Variants in TTC28 observed in about 807,000 individuals in gnomAD.
TTC28 encodes the protein tetratricopeptide repeat protein 28.
In TTC28, 61 loss-of-function variants were observed where a neutral mutation model predicts 198.0. That is an observed-to-expected ratio of 0.31 (90% CI 0.25 to 0.38). The LOEUF is 0.38. Ranked by LOEUF, TTC28 falls within the 10% of genes least tolerant of loss-of-function variation. TTC28 has a pLI of 1.00. For missense variants in TTC28, 2,678 were observed against 3,164.0 expected, an observed-to-expected ratio of 0.85 and a Z score of 3.69; for synonymous variants, 1,171 against 1,297.8, an observed-to-expected ratio of 0.90 and a Z score of 2.10.
chr22:28,217,303 A>T (rs1359205025), intron 5 of TTC28, among the ~76,000 whole-genome samples: 1 of 152,322 alleles, frequency 6.6e-6, no homozygotes, highest in African/African-American at 2.4e-5. Flanking sequence ...TGCCAGAAAC[A>T]TCTAGATTGC....
At chr22:28,392,312 C>T (rs1456927698) in intron 2 of TTC28, among the ~76,000 whole-genome samples, 2 of 152,178 alleles carry the variant, frequency 1.3e-5, no homozygotes, top group Non-Finnish European at 2.9e-5. Context: ...TGTGCCCTGC[C>T]CCCAGAGGTG....
At chr22:28,639,973 C>A (rs2051336554) in intron 1 of TTC28, among the ~76,000 whole-genome samples, 1 of 152,020 alleles carries the variant, frequency 6.6e-6, no homozygotes, top group African/African-American at 2.4e-5. Context: ...ATACAGCTAA[C>A]AACAAGATTA....
At chr22:28,324,246 G>A (rs936404544) in intron 2 of TTC28, among the ~76,000 whole-genome samples, 1 of 152,066 alleles carries the variant, frequency 6.6e-6, no homozygotes, top group Non-Finnish European at 1.5e-5. Context: ...GAGCCCAGGA[G>A]TTCAAGACCA....
chr22:28,150,890 C>T (rs914880996), intron 6 of TTC28, among the ~76,000 whole-genome samples: 2 of 152,162 alleles, frequency 1.3e-5, no homozygotes, highest in African/African-American at 4.8e-5. Context: ...TGGCAGTACC[C>T]CCAGGAAGTA....
At chr22:28,679,517 G>T in intron 1 of TTC28, 105 bp downstream of exon 1, 1 of 726,876 alleles carries the variant, frequency 1.4e-6, no homozygotes, top group Non-Finnish European at 2.0e-6. Context: ...ACTGCGAGAC[G>T]CCTTCCGCCT....
At chr22:28,418,896 A>G (rs941306181) in intron 2 of TTC28, among the ~76,000 whole-genome samples, 3 of 152,206 alleles carry the variant, frequency 2.0e-5, no homozygotes, top group African/African-American at 7.2e-5. Flanking sequence ...TGTGTAAACA[A>G]TGAAAACTCA....
At chr22:28,193,275 T>C (rs1392620911) in intron 5 of TTC28, among the ~76,000 whole-genome samples, 14 of 151,968 alleles carry the variant, frequency 9.2e-5, no homozygotes, top group Non-Finnish European at 1.0e-4. Flanking sequence ...TTACAAGAGC[T>C]CCTGAAGGAA....
intron 2 of TTC28, among the ~76,000 whole-genome samples, chr22:28,453,454 G>T (rs1476009120): frequency 6.6e-6 from 1 of 152,062 alleles, no homozygotes; most frequent in Non-Finnish European, 1.5e-5. Context: ...CTCCAGACTT[G>T]TAACTGCCTA....
intron 2 of TTC28, among the ~76,000 whole-genome samples, chr22:28,460,684 T>TAGGCAGGCAGGC (rs151256529): frequency 6.6e-6 from 1 of 151,412 alleles, no homozygotes; most frequent in African/African-American, 2.4e-5. Flanking sequence ...GACAGATAGA[T>TAGGCAGGCAGGC]AGGCAGGCAG....
Position 28,014,228 on chromosome 22 carries a change from T to A in TTC28, c.4218+20A>T, listed in dbSNP as rs1447324570. 1.9e-6 allele frequency: 3 copies of A among 1,544,310 alleles called. No homozygotes were observed. In the South Asian group the frequency reaches 3.6e-5, roughly 19 times the overall value. The stretch of plus-strand genomic sequence containing the variant: ...TGTGTTCTGATGCGGAGGAGCCTTG[T>A]GCCCCCAGGAGGTGCTTACCCCTTC... On this transcript the variant is annotated intron_variant, in intron 14 of 22. Coordinates refer to ENST00000397906, the MANE Select transcript of TTC28 (RefSeq NM_001145418.2).
At position 28,341,558 on chromosome 22, in the gene TTC28, G is replaced by A. The variant is rs556435252; in HGVS notation, c.382-34915C>T. Among the ~76,000 whole-genome samples the A allele has an allele frequency of 1.4e-4, 21 of 152,212 alleles. No homozygotes were observed. In the East Asian group the frequency reaches 3.1e-3, roughly 22 times the overall value. On this transcript the variant is annotated intron_variant, in intron 2 of 22. Coordinates refer to ENST00000397906, the MANE Select transcript of TTC28 (RefSeq NM_001145418.2). ...TCTATTCCCAACACTTTAGGAGGCC[G>A]AGGCAGGTGGATCACTTGAGGTCAG...
chr22:28,576,173 GTTTT>G (rs929626593), intron 2 of TTC28, among the ~76,000 whole-genome samples: 1 of 145,684 alleles, frequency 6.9e-6, no homozygotes, highest in Non-Finnish European at 1.5e-5. Context: ...TCTATGCCCA[GTTTT>G]TTTTTTTAGT....
intron 1 of TTC28, among the ~76,000 whole-genome samples, chr22:28,656,504 G>A (rs574769383): frequency 1.3e-5 from 2 of 152,284 alleles, no homozygotes; most frequent in East Asian, 3.9e-4. Context: ...CTCAGTCCCA[G>A]GATCACAAAG....
chr22:28,102,992 G>T (rs1283685841), intron 8 of TTC28, among the ~76,000 whole-genome samples: 1 of 152,156 alleles, frequency 6.6e-6, no homozygotes, highest in Non-Finnish European at 1.5e-5. Context: ...TCTAGGTCAA[G>T]ATCTATGAGT....
rs757110701 is a variant in TTC28, at chr22:28,629,676, G to A, written c.257C>T (p.Ala86Val). ...TAAGATGCAGTTCTGAGGGTCAACA[G>A]CCAGGGCTTCATTATACAGAACAAT... The part of the protein sequence containing the change: ...TAIVLYNEAL[A>V]VDPQNCILYS... The change falls in exon 2 of 23, where the codon GCT becomes GTT. Residue 86 changes from alanine to valine, a missense_variant. Physicochemically the swap from Ala to Val is moderately conservative, Grantham distance 64 (BLOSUM62 0). Transcript: ENST00000397906. 1 of 1,551,658 alleles carries A rather than the reference G, an allele frequency of 6.4e-7. No homozygotes were observed.
chr22:28,083,878 T>A (rs1172508161), intron 12 of TTC28, among the ~76,000 whole-genome samples: 2 of 152,220 alleles, frequency 1.3e-5, no homozygotes. Context: ...CGCACCTGGC[T>A]CAGAGGGTCC....
chr22:28,549,489 T>G (rs2049616243), intron 2 of TTC28, among the ~76,000 whole-genome samples: 1 of 152,208 alleles, frequency 6.6e-6, no homozygotes, highest in African/African-American at 2.4e-5. Context: ...AAATGTCTAC[T>G]GCTGCCAGGC....
intron 2 of TTC28, among the ~76,000 whole-genome samples, chr22:28,337,700 T>C (rs1444554899): frequency 6.6e-6 from 1 of 152,218 alleles, no homozygotes. Flanking sequence ...TTGGTAGATG[T>C]TCCTCCATCC....
chr22:28,204,630 T>C (rs1926245894), intron 5 of TTC28, among the ~76,000 whole-genome samples: 1 of 152,004 alleles, frequency 6.6e-6, no homozygotes. Flanking sequence ...AGGAACATAA[T>C]GATTAAGTAA....
Sources: gnomAD v4.1 joint callset for allele counts (sites outside exome capture counted in the v4.1 genomes callset) on GRCh38, gnomAD v4.1.1 for gene constraint, MANE v1.5 for transcripts, NCBI Gene and HGNC (gene_info 2026-07-23, HGNC 2026-07-21) for gene names.